DNAH14: variants seen among roughly 807,000 people sequenced by gnomAD.
DNAH14 encodes axonemal beta dynein heavy chain 14.
A neutral mutation model predicts 520.9 loss-of-function variants in DNAH14; 478 were observed. That is an observed-to-expected ratio of 0.92 (90% confidence interval 0.85 to 0.99). The LOEUF (loss-of-function observed/expected upper bound fraction) is 0.99. Ranked by LOEUF, DNAH14 falls within the 50% of genes least tolerant of loss-of-function variation. DNAH14 has a pLI of 0.00. For synonymous variants in DNAH14, 1,581 were observed against 1,757.2 expected (o/e 0.90, Z 2.51); for missense variants, 4,831 against 5,234.5 (o/e 0.92, Z 2.38).
chr1:225,312,522 T>G (rs1365342047), intron 60 of DNAH14, among the ~76,000 whole-genome samples: 1 of 152,158 alleles, frequency 6.6e-6, no homozygotes, highest in African/African-American at 2.4e-5. Context: ...TGTCTTGTGC[T>G]GGTTTTCAAA....
At chr1:225,084,851 A>G (rs897742226) in intron 20 of DNAH14, among the ~76,000 whole-genome samples, 2 of 45,986 alleles carry the variant, frequency 4.3e-5, no homozygotes, top group Non-Finnish European at 8.4e-5. Flanking sequence ...GCTGGATTGA[A>G]TTTTTAGCAA....
At chr1:225,293,491 T>TA (rs144972752) in intron 55 of DNAH14, among the ~76,000 whole-genome samples, 1 of 151,934 alleles carries the variant, frequency 6.6e-6, no homozygotes, top group African/African-American at 2.4e-5. Flanking sequence ...TATGCAGCCA[T>TA]AAAAAAAGAC....
At chr1:225,107,264 G>C (rs796335429) in intron 23 of DNAH14, among the ~76,000 whole-genome samples, 5 of 152,176 alleles carry the variant, frequency 3.3e-5, no homozygotes, top group Admixed American at 1.3e-4. Flanking sequence ...GTACCTGGCC[G>C]TGTGAGGTGT....
At chr1:225,305,897 C>T (rs1046698202) in intron 58 of DNAH14, among the ~76,000 whole-genome samples, 3 of 152,218 alleles carry the variant, frequency 2.0e-5, no homozygotes, top group African/African-American at 7.2e-5. Context: ...TTCCATTTGC[C>T]ATAGGGAACA....
intron 38 of DNAH14, among the ~76,000 whole-genome samples, chr1:225,194,177 C>T (rs535283914): frequency 6.6e-6 from 1 of 152,090 alleles, no homozygotes; most frequent in Non-Finnish European, 1.5e-5. Context: ...ACATTTTTCA[C>T]AGAATTAGAA....
chr1:225,143,855 GC>G (rs2079672384), intron 28 of DNAH14, among the ~76,000 whole-genome samples: 1 of 152,118 alleles, frequency 6.6e-6, no homozygotes, highest in African/African-American at 2.4e-5. Flanking sequence ...ATACCACAAA[GC>G]TACAAATAGT....
chr1:225,225,247 A>G lies in DNAH14; in HGVS notation c.6440-5826A>G, dbSNP rs377605241. On this transcript the variant is annotated intron_variant, in intron 41 of 85. Coordinates refer to ENST00000682510, the MANE Select transcript of DNAH14 (RefSeq NM_001367479.1). ...CTAGAGGACTAGAACCTAATTAGTT[A>G]TGGCAAACAGATGTTAAACACATCC... Among the ~76,000 whole-genome samples, 136 of 152,352 alleles carry G rather than the reference A, an allele frequency of 8.9e-4. 1 individual carries two copies. Among genetic ancestry groups the G allele is most frequent in the African/African-American group, 3.1e-3 (130 of 41,570 alleles).
At chr1:225,316,756 T>A (rs1211730230) in intron 60 of DNAH14, among the ~76,000 whole-genome samples, 1 of 152,184 alleles carries the variant, frequency 6.6e-6, no homozygotes, top group South Asian at 2.1e-4. Flanking sequence ...ACCTTCTGCG[T>A]TGATCTCGCT....
intron 41 of DNAH14, among the ~76,000 whole-genome samples, chr1:225,227,275 G>A (rs1301496825): frequency 1.3e-5 from 2 of 150,214 alleles, no homozygotes; most frequent in Non-Finnish European, 3.0e-5. Context: ...GCTTTCTTGG[G>A]CAGAGGTCCC....
In DNAH14 at chr1:225,089,464, A is replaced by AAAAAAAAAG. The variant is rs775049047; in HGVS notation, c.3573+3676_3573+3677insAAAAAAAGA. On this transcript the variant is annotated intron_variant, in intron 21 of 85. Transcript: ENST00000682510. ...CGTCAAAAAAAAAAAAAAAAAAAAA[A>AAAAAAAAAG]AGAGAGCGAGAGAAAGAAAAGAAAA... Among the ~76,000 whole-genome samples the AAAAAAAAAG allele has an allele frequency of 2.6e-3, 366 of 138,132 alleles. 1 individual carries two copies. Among genetic ancestry groups the AAAAAAAAAG allele is most frequent in the Non-Finnish European group, 3.3e-3 (208 of 62,942 alleles). 90.6% of individuals were successfully genotyped at this position (138,132 alleles called of 152,430 possible). A position where few individuals can be genotyped will look rare whatever the true frequency, so the allele number is the denominator to read the frequency against.
rs186690103 is a variant in DNAH14 at position 224,988,619 on chromosome 1, T to C, written c.831-14164T>C. Among the ~76,000 whole-genome samples the C allele has an allele frequency of 3.3e-5, 5 of 152,280 alleles. No individual in the cohort carries two copies. The East Asian group carries it at 9.6e-4, about 29-fold the overall frequency. The stretch of plus-strand genomic sequence containing the variant: ...TTGACCCAGCAATTCCATTATTGGG[T>C]GTATACCCAAAGGAATATAAATCAT... On this transcript the variant is annotated intron_variant, in intron 8 of 85. Transcript: ENST00000682510.
chr1:225,274,716 A>G (rs2093423556), intron 52 of DNAH14, among the ~76,000 whole-genome samples: 1 of 152,232 alleles, frequency 6.6e-6, no homozygotes, highest in South Asian at 2.1e-4. Context: ...TACTTACGGA[A>G]TTGGGTCCTG....
chr1:225,371,104 A>G (rs943780517), intron 77 of DNAH14, among the ~76,000 whole-genome samples: 1 of 152,154 alleles, frequency 6.6e-6, no homozygotes, highest in Admixed American at 6.5e-5. Flanking sequence ...AAAGATCACA[A>G]TCTCCCTAGT....
At chr1:225,195,091 A>G (rs2085951152) in intron 38 of DNAH14, among the ~76,000 whole-genome samples, 1 of 152,162 alleles carries the variant, frequency 6.6e-6, no homozygotes, top group Non-Finnish European at 1.5e-5. Flanking sequence ...TGTGGAAAGC[A>G]CAGTGATTTG....
intron 17 of DNAH14, among the ~76,000 whole-genome samples, chr1:225,058,569 A>C (rs554658470): frequency 5.5e-4 from 83 of 152,122 alleles, no homozygotes; most frequent in African/African-American, 1.7e-3. Context: ...TTGCCTTCTG[A>C]AAGCTTTTGA....
chr1:224,979,686 C>T (rs188102216), intron 8 of DNAH14, among the ~76,000 whole-genome samples: 11 of 152,304 alleles, frequency 7.2e-5, no homozygotes, highest in Middle Eastern at 3.4e-3. Flanking sequence ...CACCTACCTC[C>T]GCTAACCCCA....
intron 52 of DNAH14, among the ~76,000 whole-genome samples, chr1:225,274,904 A>G (rs2093428459): frequency 6.6e-6 from 1 of 152,238 alleles, no homozygotes; most frequent in African/African-American, 2.4e-5. Flanking sequence ...TAAAACTCTA[A>G]TAGTTAATAC....
intron 8 of DNAH14, among the ~76,000 whole-genome samples, chr1:224,985,033 C>A (rs191217214): frequency 2.5e-4 from 38 of 152,274 alleles, no homozygotes; most frequent in African/African-American, 8.7e-4. Context: ...TAAACTAGTA[C>A]GGCTGCTATG....
chr1:225,272,991 G>A lies in DNAH14; in HGVS notation c.7876G>A (p.Val2626Ile), dbSNP rs2149843397. 2 of 1,549,892 alleles carry A rather than the reference G, an allele frequency of 1.3e-6. No homozygotes were observed. Among genetic ancestry groups the A allele is most frequent in the Non-Finnish European group, 1.7e-6 (2 of 1,146,546 alleles). Residue 2626 changes from valine to isoleucine, a missense_variant, in exon 52 of 86, where the codon GTT (valine) becomes ATT (isoleucine). Coordinates refer to ENST00000682510, the MANE Select transcript of DNAH14 (RefSeq NM_001367479.1). The part of the protein sequence containing the change: ...LGLLQADRTV[V>I]NSKEMAALLF... ...ATTGCTGCAAGCTGACAGGACTGTT[G>A]TTAACTCCAAAGAGATGGCTGCTCT...
Sources: gnomAD v4.1 joint callset for allele counts (sites outside exome capture counted in the v4.1 genomes callset) on GRCh38, gnomAD v4.1.1 for gene constraint, MANE v1.5 for transcripts, NCBI Gene and HGNC (gene_info 2026-07-23, HGNC 2026-07-21) for gene names.